ERC1: variants seen among roughly 807,000 people sequenced by gnomAD.
The protein encoded by ERC1 is ELKS/RAB6-interacting/CAST family member 1, also known as RAB6 interacting protein 2.
A neutral mutation model predicts 132.0 loss-of-function variants in ERC1; 56 were observed. The observed-to-expected ratio is 0.42, with a 90% confidence interval of 0.34 to 0.53. ERC1 has a LOEUF of 0.53. Ranked by LOEUF, ERC1 falls within the 20% of genes least tolerant of loss-of-function variation. ERC1 has a pLI of 0.03. For synonymous variants in ERC1, 478 were observed against 476.1 expected (o/e 1.00, Z -0.05); for missense variants, 1,202 against 1,349.9 (o/e 0.89, Z 1.72).
chr12:1,144,432 T>A (rs1593674891), intron 8 of ERC1, among the ~76,000 whole-genome samples: 1 of 151,980 alleles, frequency 6.6e-6, no homozygotes, highest in African/African-American at 2.4e-5. Flanking sequence ...TCCCCAAAGT[T>A]CACTGTATCT....
chr12:1,366,284 A>G (rs368022694), intron 15 of ERC1, among the ~76,000 whole-genome samples: 3 of 152,254 alleles, frequency 2.0e-5, no homozygotes, highest in South Asian at 4.1e-4. Context: ...ACATTAATCA[A>G]TTTTGAAGAG....
At chr12:1,232,177 G>A (rs765412085) in intron 12 of ERC1, among the ~76,000 whole-genome samples, 3 of 152,166 alleles carry the variant, frequency 2.0e-5, no homozygotes, top group Non-Finnish European at 4.4e-5. Flanking sequence ...GGTAATGGTG[G>A]TGTGTATGTG....
chr12:1,048,324 G>A (rs1174381752), intron 2 of ERC1, among the ~76,000 whole-genome samples: 1 of 152,170 alleles, frequency 6.6e-6, no homozygotes, highest in East Asian at 1.9e-4. Flanking sequence ...AATCTAAAAT[G>A]TGACTGTGCA....
intron 1 of ERC1, among the ~76,000 whole-genome samples, chr12:1,009,323 C>T (rs1271317256): frequency 2.8e-4 from 43 of 151,944 alleles, no homozygotes; most frequent in Admixed American, 2.0e-3. Flanking sequence ...TACAGGTGCC[C>T]GCCACCACGC....
chr12:1,293,274 G>A (rs1566505844), intron 15 of ERC1, among the ~76,000 whole-genome samples: 1 of 150,784 alleles, frequency 6.6e-6, no homozygotes, highest in African/African-American at 2.4e-5. Flanking sequence ...CTAACACGGT[G>A]AACCCCGTCT....
At chr12:1,485,061 T>TA (rs1243700044) in intron 18 of ERC1, among the ~76,000 whole-genome samples, 10 of 151,678 alleles carry the variant, frequency 6.6e-5, no homozygotes, top group African/African-American at 2.4e-4. Flanking sequence ...TTTTTTGTTT[T>TA]AGTTTTTTGT....
At chr12:1,391,928 C>A (rs780186711) in intron 16 of ERC1, among the ~76,000 whole-genome samples, 12 of 152,202 alleles carry the variant, frequency 7.9e-5, no homozygotes, top group Non-Finnish European at 1.6e-4. Flanking sequence ...GGTCACAGCA[C>A]TCCTGACTGG....
chr12:1,392,388 G>A (rs760146033), intron 16 of ERC1, among the ~76,000 whole-genome samples: 1 of 152,208 alleles, frequency 6.6e-6, no homozygotes, highest in Non-Finnish European at 1.5e-5. Flanking sequence ...AAAATAAAAT[G>A]TATGTTCTGG....
intron 15 of ERC1, 112 bp from the exon 16 acceptor site, chr12:1,371,721 G>A (rs574937514): frequency 1.5e-6 from 2 of 1,339,592 alleles, no homozygotes; most frequent in Non-Finnish European, 9.9e-7. Context: ...GGCGCTGTTG[G>A]CGTTTGCTTT....
chr12:1,236,771 A>G lies in ERC1; in HGVS notation c.2354A>G (p.Gln785Arg). Residue 785 changes from glutamine (Q) to arginine (R), a missense_variant and splice_region_variant, in exon 13 of 19, where the codon CAA (glutamine) becomes CGA (arginine). Transcript: ENST00000360905. ...GATTTTTCTCCTTCTGTCATTAGGCAAGTGAAAGACCAGAATAAGAAGGTA... is the reference window on the plus strand; with the variant it reads ...GATTTTTCTCCTTCTGTCATTAGGCGAGTGAAAGACCAGAATAAGAAGGTA... ...KDKKIAELER[Q>R]VKDQNKKVAN... 1.2e-6 allele frequency: 2 copies of G among 1,613,258 alleles called. No homozygotes were observed. The highest frequency in any genetic ancestry group is 1.7e-6 in the Non-Finnish European group (2 of 1,179,572).
intron 17 of ERC1, among the ~76,000 whole-genome samples, chr12:1,419,918 A>T (rs2092356471): frequency 1.3e-5 from 2 of 151,516 alleles, no homozygotes; most frequent in South Asian, 2.1e-4. Context: ...TATTTTGAAA[A>T]TTTTTCTTAG....
Position 1,122,581 on chromosome 12 carries a change from C to G in ERC1, c.1569+6548C>G, listed in dbSNP as rs527687642. 9.2e-4 allele frequency among the ~76,000 whole-genome samples: 10 copies of G among 10,924 alleles called. 3 individuals carry two copies. The highest frequency in any genetic ancestry group is 2.9e-3 in the South Asian group (1 of 342). The allele number at this position is 10,924 out of a possible 152,430, so 7.2% of individuals were successfully genotyped here. On this transcript the variant is annotated intron_variant, in intron 7 of 18. Transcript: ENST00000360905. Reference sequence around the variant, plus strand: ...TCTATCTCTATCTGTGTCTCTATCTCTATCTCTATCTCTATCTGTGTCTCT... The same window carrying G: ...TCTATCTCTATCTGTGTCTCTATCTGTATCTCTATCTCTATCTGTGTCTCT...
chr12:1,248,861 TGAG>T (rs922414349), intron 13 of ERC1, among the ~76,000 whole-genome samples: 5 of 152,114 alleles, frequency 3.3e-5, no homozygotes, highest in African/African-American at 1.2e-4. Context: ...CTGTGAGAAT[TGAG>T]GAGAGAGGTT....
intron 18 of ERC1, among the ~76,000 whole-genome samples, chr12:1,462,552 A>C (rs1441778429): frequency 6.6e-6 from 1 of 152,258 alleles, no homozygotes. Flanking sequence ...CACTGTGTTA[A>C]GCAAAAGAAG....
intron 2 of ERC1, among the ~76,000 whole-genome samples, chr12:1,071,834 CTCACACCTTTAA>C (rs1254846084): frequency 1.3e-5 from 2 of 152,292 alleles, no homozygotes; most frequent in African/African-American, 4.8e-5. Flanking sequence ...GGCACAGTGG[CTCACACCTTTAA>C]TCCCAGCACT....
intron 18 of ERC1, 96 bp downstream of exon 18, chr12:1,444,846 G>A (rs1276346086): frequency 1.1e-5 from 13 of 1,141,048 alleles, no homozygotes; most frequent in South Asian, 3.0e-5. Flanking sequence ...TCCAGTTGCC[G>A]TGTAGTTGAT....
At chr12:1,472,681 AG>A (rs2093887632) in intron 18 of ERC1, among the ~76,000 whole-genome samples, 1 of 151,592 alleles carries the variant, frequency 6.6e-6, no homozygotes, top group Non-Finnish European at 1.5e-5. Flanking sequence ...GAGAAAAGGA[AG>A]GAAGGGAGAA....
intron 15 of ERC1, among the ~76,000 whole-genome samples, chr12:1,303,354 C>T (rs780882372): frequency 3.9e-5 from 6 of 152,030 alleles, no homozygotes; most frequent in East Asian, 1.9e-4. Context: ...GCTGCTTTAC[C>T]GGCCGGGCGC....
intron 13 of ERC1, among the ~76,000 whole-genome samples, chr12:1,258,796 C>T (rs910499027): frequency 6.6e-5 from 10 of 152,150 alleles, no homozygotes; most frequent in African/African-American, 2.4e-4. Context: ...TAAAATATTG[C>T]CGTGAAGAAA....
Sources: allele counts gnomAD v4.1 joint callset (sites outside exome capture counted in the v4.1 genomes callset), GRCh38; gene constraint gnomAD v4.1.1; transcripts MANE v1.5; gene names NCBI Gene and HGNC (gene_info 2026-07-23, HGNC 2026-07-21).